Variants in SPTBN2 observed in about 807,000 individuals in gnomAD.
SPTBN2 encodes spectrin beta chain, non-erythrocytic 2.
A neutral mutation model predicts 284.2 loss-of-function variants in SPTBN2; 107 were observed. The ratio of observed to expected loss-of-function variants is 0.38; its 90% confidence interval spans 0.32 to 0.44. SPTBN2 has a LOEUF of 0.44. Among genes scored for constraint, SPTBN2 ranks in the 20% least tolerant of loss-of-function variants. The pLI, the probability that SPTBN2 is intolerant of heterozygous loss-of-function variation, is 1.00. For missense variants in SPTBN2, 2,569 were observed against 3,287.1 expected, an observed-to-expected ratio of 0.78 and a Z score of 5.34; for synonymous variants, 1,289 against 1,354.8, an observed-to-expected ratio of 0.95 and a Z score of 1.07.
chr11:66,743,890 C>T (rs756176869), intron 1 of SPTBN2, among the ~76,000 whole-genome samples: 5 of 149,474 alleles, frequency 3.3e-5, no homozygotes, highest in African/African-American at 4.9e-5. Flanking sequence ...GACAGAGTTT[C>T]GCTCTTTTTG....
At chr11:66,733,452 A>C (rs925246294), upstream of SPTBN2, among the ~76,000 whole-genome samples, 2 of 152,172 alleles carry the variant, frequency 1.3e-5, no homozygotes, top group African/African-American at 4.8e-5. Context: ...GTCAAGGATG[A>C]GTTGTGCAAC....
intron 1 of SPTBN2, among the ~76,000 whole-genome samples, chr11:66,726,292 G>A (rs181472564): frequency 6.6e-6 from 1 of 152,212 alleles, no homozygotes; most frequent in Non-Finnish European, 1.5e-5. Context: ...CAGGTCTGGG[G>A]ATTCTCAAAC....
In SPTBN2 at chr11:66,710,798, G is replaced by A; in HGVS notation, c.886-29C>T. On this transcript the variant is annotated intron_variant, in intron 9 of 37. Coordinates refer to ENST00000533211, the MANE Select transcript of SPTBN2 (RefSeq NM_006946.4). This position sits in a 1 kb window ranked among gnomAD's most constrained non-coding sequence, Gnocchi z 4.9. ...GGAGGCAGAAGACAGGGACGTGACA[G>A]TCCCAGCCACAGGGTCCCTGGCCCA... 1 of 1,613,262 alleles carries A rather than the reference G, an allele frequency of 6.2e-7. No individual in the cohort carries two copies. The highest frequency in any genetic ancestry group is 8.5e-7 in the Non-Finnish European group (1 of 1,179,970).
At position 66,718,453 on chromosome 11, in the gene SPTBN2, T is replaced by C. The variant is rs1942242369; in HGVS notation, c.158-2472A>G. On this transcript the variant is annotated intron_variant, in intron 3 of 37. Coordinates refer to ENST00000533211, the MANE Select transcript of SPTBN2 (RefSeq NM_006946.4). This position sits in a 1 kb window ranked among gnomAD's most constrained non-coding sequence, Gnocchi z 4.8. ...GCCCCCGGGCCTCACCTTGCAGCTG[T>C]TTGAAGCGTCCTTCCAGCACGCTGG... Among the ~76,000 whole-genome samples the C allele has an allele frequency of 6.6e-6, 1 of 152,058 alleles. No individual in the cohort carries two copies. The highest frequency in any genetic ancestry group is 1.5e-5 in the Non-Finnish European group (1 of 67,996).
intron 7 of SPTBN2, 21 bp from the exon 8 acceptor site, chr11:66,713,767 G>A: frequency 6.5e-7 from 1 of 1,535,214 alleles, no homozygotes; most frequent in South Asian, 1.1e-5. Flanking sequence ...AGGCAAGACA[G>A]AAGGGATCAG....
chr11:66,696,638 G>C (rs1329869352), intron 20 of SPTBN2, 98 bp from the exon 21 acceptor site: 14 of 1,506,418 alleles, frequency 9.3e-6, no homozygotes, highest in Non-Finnish European at 1.3e-5. Flanking sequence ...GAGACCTGAA[G>C]TGTGGGCAAT....
At position 66,721,212 on chromosome 11, in the gene SPTBN2, A is replaced by G; in HGVS notation, c.29T>C (p.Phe10Ser). 6.2e-7 allele frequency: 1 copy of G among 1,614,108 alleles called. No individual in the cohort carries two copies. Among genetic ancestry groups the G allele is most frequent in the Non-Finnish European group, 8.5e-7 (1 of 1,180,016 alleles). ...CTGGCCCTGGATTTCCAAGCTGTCA[A>G]AGTCTGTGGGTGACAGCGTGCTGCT... The part of the protein sequence containing the change: MSSTLSPTD[F>S]DSLEIQGQYS... The change falls in exon 3 of 38, where the codon TTT (phenylalanine) becomes TCT (serine). Residue 10 changes from phenylalanine to serine, a missense_variant. Physicochemically the swap from Phe to Ser is radical, Grantham distance 155. Coordinates refer to ENST00000533211, the MANE Select transcript of SPTBN2 (RefSeq NM_006946.4).
rs1395285881 is a variant in SPTBN2 at position 66,684,231 on chromosome 11, G to A, written c.*1640C>T. 6.6e-6 allele frequency among the ~76,000 whole-genome samples: 1 copy of A among 152,180 alleles called. No individual in the cohort carries two copies. The highest frequency in any genetic ancestry group is 1.5e-5 in the Non-Finnish European group (1 of 68,028). ...TTCCTGTTGGAGGCCACCAAGGAGTGCCCACTTCCATCAACATCTGGAGAC... is the reference window on the plus strand; with the variant it reads ...TTCCTGTTGGAGGCCACCAAGGAGTACCCACTTCCATCAACATCTGGAGAC... On this transcript the variant is annotated 3_prime_UTR_variant, in exon 38 of 38. Coordinates refer to ENST00000533211, the MANE Select transcript of SPTBN2 (RefSeq NM_006946.4).
In SPTBN2 at chr11:66,705,029, G is replaced by A. The variant is rs1409985619; in HGVS notation, c.2247C>T (p.Leu749=). 5 of 1,601,322 alleles carry A rather than the reference G, an allele frequency of 3.1e-6. No individual in the cohort carries two copies. Among genetic ancestry groups the A allele is most frequent in the Middle Eastern group, 1.6e-4 (1 of 6,072 alleles). The change falls in exon 15 of 38, where the codon CTC becomes CTT. Residue 749 remains leucine (L), a synonymous_variant. Transcript: ENST00000533211. The part of the protein sequence containing the change: ...RAQRLAQAAS[L]YQFQADANDM... ...CGTTTGCATCGGCCTGGAACTGGTA[G>A]AGGCTGGCGGCTTGGGCCAGCCGCT...
chr11:66,691,802 A>T lies in SPTBN2; in HGVS notation c.5191-144T>A. 8.2e-7 allele frequency: 1 copy of T among 1,225,808 alleles called. No homozygotes were observed. The highest frequency in any genetic ancestry group is 1.2e-6 in the Non-Finnish European group (1 of 862,466). 75.9% of individuals were successfully genotyped at this position (1,225,808 alleles called of 1,614,324 possible). On this transcript the variant is annotated intron_variant, in intron 26 of 37. Coordinates refer to ENST00000533211, the MANE Select transcript of SPTBN2 (RefSeq NM_006946.4). The surrounding 1 kb of genome is among the most constrained non-coding windows in gnomAD (Gnocchi z 8.0). ...CGGGACAGGTTTCTTCCCTGTGGTT[A>T]AGGAGTAGGTGCAGCTGCTTCCCAC...
intron 15 of SPTBN2, among the ~76,000 whole-genome samples, chr11:66,704,041 C>T (rs1941392295): frequency 1.4e-5 from 2 of 146,612 alleles, no homozygotes; most frequent in Non-Finnish European, 3.0e-5. Flanking sequence ...GGCACGATCT[C>T]GGCTCACTGC....
Position 66,689,946 on chromosome 11 carries a change from G to T in SPTBN2, c.5811-3C>A, listed in dbSNP as rs750335105. On this transcript the variant is annotated splice_polypyrimidine_tract_variant and splice_region_variant and intron_variant, in intron 28 of 37. Transcript: ENST00000533211. Reference sequence around the variant, plus strand: ...CTAGATCCGCGGAGGACACATCCCTGGGGGGAGGCAGAAACAGCATCACCT... The same window carrying T: ...CTAGATCCGCGGAGGACACATCCCTTGGGGGAGGCAGAAACAGCATCACCT... 3 of 1,613,690 alleles carry T rather than the reference G, an allele frequency of 1.9e-6. No homozygotes were observed. In the East Asian group the frequency reaches 6.7e-5, roughly 36 times the overall value.
chr11:66,723,147 C>G (rs186843820), intron 1 of SPTBN2, among the ~76,000 whole-genome samples: 82 of 151,742 alleles, frequency 5.4e-4, no homozygotes, highest in African/African-American at 1.9e-3. Flanking sequence ...CTCTAACTTA[C>G]GCAAACACAC....
intron 1 of SPTBN2, among the ~76,000 whole-genome samples, chr11:66,734,664 C>T (rs1942840341): frequency 6.6e-6 from 1 of 152,210 alleles, no homozygotes; most frequent in African/African-American, 2.4e-5. Context: ...TGGATTGTCA[C>T]TGCCCATTGG....
At position 66,721,169 on chromosome 11, in the gene SPTBN2, G is replaced by A. The variant is rs1168986724; in HGVS notation, c.72C>T (p.Asn24=). ...EIQGQYSDIN[N]RWDLPDSDWD... ...AGTCCGAGTCAGGAAGGTCCCAGCGGTTGTTGATGTCACTGTACTGGCCCT... is the reference window on the plus strand; with the variant it reads ...AGTCCGAGTCAGGAAGGTCCCAGCGATTGTTGATGTCACTGTACTGGCCCT... Residue 24 remains asparagine (N), a synonymous_variant, in exon 3 of 38, where the codon AAC becomes AAT. Transcript: ENST00000533211. The A allele has an allele frequency of 6.2e-7, 1 of 1,614,048 alleles. No individual in the cohort carries two copies. Among genetic ancestry groups the A allele is most frequent in the Non-Finnish European group, 8.5e-7 (1 of 1,180,040 alleles).
intron 8 of SPTBN2, among the ~76,000 whole-genome samples, chr11:66,712,502 G>A (rs992959290): frequency 4.0e-5 from 6 of 151,434 alleles, no homozygotes; most frequent in East Asian, 2.0e-4. Context: ...AGCCGAGATC[G>A]CGCCATTGCA....
intron 3 of SPTBN2, among the ~76,000 whole-genome samples, chr11:66,719,910 G>A (rs1254442918): frequency 6.6e-6 from 1 of 152,080 alleles, no homozygotes; most frequent in Non-Finnish European, 1.5e-5. Flanking sequence ...TTTCACAGCC[G>A]GCCTGAAGAC....
rs114336210 is a variant in SPTBN2 at position 66,724,061 on chromosome 11, G to A, written c.-113-2621C>T. On this transcript the variant is annotated intron_variant, in intron 1 of 37. Transcript: ENST00000533211. Reference sequence around the variant, plus strand: ...TTCGGTTTCCATGACCCCTTACTAGGAGTCACAAACTTACCAAGGCTAGCC... The same window carrying A: ...TTCGGTTTCCATGACCCCTTACTAGAAGTCACAAACTTACCAAGGCTAGCC... 3.2e-3 allele frequency among the ~76,000 whole-genome samples: 480 copies of A among 152,266 alleles called. 2 individuals are homozygous for A. The highest frequency in any genetic ancestry group is 0.011 in the African/African-American group (462 of 41,552).
Position 66,685,992 on chromosome 11 carries a change from C to T in SPTBN2, c.7052G>A (p.Arg2351Gln), listed in dbSNP as rs367554726. ...TGACACTGGGGGCATGGTCATGGCCCGGGTCATGCCCCGGGTGGTGCTGGG... is the reference window on the plus strand; with the variant it reads ...TGACACTGGGGGCATGGTCATGGCCTGGGTCATGCCCCGGGTGGTGCTGGG... ...VVPSTTRGMTRAMTMPPVSPV... is the reference protein window; with the variant it reads ...VVPSTTRGMTQAMTMPPVSPV... Residue 2351 changes from arginine to glutamine, a missense_variant, in exon 38 of 38, where the codon CGG (arginine) becomes CAG (glutamine). Around this residue, in one of 6 missense-constraint regions of SPTBN2, gnomAD observed 1,130 missense variants for 1,317.3 expected, o/e 0.86. Coordinates refer to ENST00000533211, the MANE Select transcript of SPTBN2 (RefSeq NM_006946.4). This position sits in a 1 kb window ranked among gnomAD's most constrained non-coding sequence, Gnocchi z 4.4. 1.5e-5 allele frequency: 25 copies of T among 1,613,772 alleles called. No individual in the cohort carries two copies. The highest frequency in any genetic ancestry group is 1.7e-4 in the Middle Eastern group (1 of 6,058).
Sources: allele counts gnomAD v4.1 joint callset (sites outside exome capture counted in the v4.1 genomes callset), GRCh38; gene constraint gnomAD v4.1.1; regional missense constraint gnomAD v4.1.1; non-coding constraint Gnocchi (gnomAD v3.1); transcripts MANE v1.5; gene names NCBI Gene and HGNC (gene_info 2026-07-23, HGNC 2026-07-21).